FAM135A: variants seen among roughly 807,000 people sequenced by gnomAD.
FAM135A encodes the protein family with sequence similarity 135 member A, also known as protein FAM135A.
FAM135A carries 79 observed loss-of-function variants against 146.8 expected under a neutral mutation model. The observed-to-expected ratio is 0.54, with a 90% CI of 0.45 to 0.65. The LOEUF (loss-of-function observed/expected upper bound fraction) is 0.65. FAM135A is among the 30% of genes least tolerant of loss of function. FAM135A has a pLI of 0.00. For synonymous variants in FAM135A, 562 were observed against 603.6 expected, an observed-to-expected ratio of 0.93 and a Z score of 1.01; for missense variants, 1,623 against 1,758.2, an observed-to-expected ratio of 0.92 and a Z score of 1.38.
Position 70,525,763 on chromosome 6 carries a change from A to G in FAM135A, c.2679A>G (p.Gln893=). ...DDTKKSSITL[Q]QQSVVFSGNL... The stretch of plus-strand genomic sequence containing the variant: ...CTAAAAAGTCAAGTATCACTTTGCA[A>G]CAGCAGAGTGTTGTATTTTCAGGGA... Residue 893 remains glutamine, a synonymous_variant, in exon 15 of 22, where the codon CAA becomes CAG. Transcript: ENST00000418814. 6.2e-7 allele frequency: 1 copy of G among 1,613,420 alleles called. No individual in the cohort carries two copies. Among genetic ancestry groups the G allele is most frequent in the Non-Finnish European group, 8.5e-7 (1 of 1,179,618 alleles).
chr6:70,511,294 A>G (rs1318324518), intron 12 of FAM135A, among the ~76,000 whole-genome samples: 2 of 151,948 alleles, frequency 1.3e-5, no homozygotes, highest in Non-Finnish European at 2.9e-5. Context: ...GAAAAATCTT[A>G]AATTTATTTT....
intron 12 of FAM135A, among the ~76,000 whole-genome samples, chr6:70,515,519 A>AC (rs1441510589): frequency 1.1e-4 from 16 of 152,284 alleles, no homozygotes; most frequent in African/African-American, 3.4e-4. Context: ...ATCTACATAT[A>AC]TGTATGATTT....
At chr6:70,530,966 A>G (rs1481306267) in intron 16 of FAM135A, among the ~76,000 whole-genome samples, 1 of 152,206 alleles carries the variant, frequency 6.6e-6, no homozygotes, top group Non-Finnish European at 1.5e-5. Context: ...AGAAAAATGG[A>G]TCCCCTTTAC....
Position 70,526,116 on chromosome 6 carries a change from A to G in FAM135A, c.3032A>G (p.Glu1011Gly). 1 of 1,613,602 alleles carries G rather than the reference A, an allele frequency of 6.2e-7. No homozygotes were observed. Among genetic ancestry groups the G allele is most frequent in the Non-Finnish European group, 8.5e-7 (1 of 1,179,674 alleles). Reference sequence around the variant, plus strand: ...TTAAATCTCACACAGATGTATTCAGAAATCCCTACAGTTGAAAGTGAAACT... The same window carrying G: ...TTAAATCTCACACAGATGTATTCAGGAATCCCTACAGTTGAAAGTGAAACT... ...DVLNLTQMYS[E>G]IPTVESETHL... is the part of the protein sequence containing the mutation. Residue 1011 changes from glutamate (E) to glycine (G), a missense_variant, in exon 15 of 22, where the codon GAA becomes GGA. Glu to Gly is a moderately conservative substitution (Grantham distance 98). Coordinates refer to ENST00000418814, the MANE Select transcript of FAM135A (RefSeq NM_001162529.3).
intron 8 of FAM135A, 143 bp from the exon 9 acceptor site, chr6:70,480,758 A>T (rs959527518): frequency 1.1e-5 from 7 of 620,204 alleles, no homozygotes; most frequent in Non-Finnish European, 1.4e-5. Flanking sequence ...ATTATTTTTT[A>T]AAATTACTTT....
chr6:70,550,696 A>G (rs905646634), intron 20 of FAM135A, among the ~76,000 whole-genome samples: 1 of 152,168 alleles, frequency 6.6e-6, no homozygotes, highest in Non-Finnish European at 1.5e-5. Flanking sequence ...ATTGATTTCA[A>G]GGCCCCAGCT....
intron 16 of FAM135A, among the ~76,000 whole-genome samples, chr6:70,531,734 C>T (rs1253916581): frequency 6.6e-6 from 1 of 152,094 alleles, no homozygotes; most frequent in Non-Finnish European, 1.5e-5. Flanking sequence ...TTGTAAACTG[C>T]TGATTTCTTT....
chr6:70,478,073 C>A (rs1782966172), intron 8 of FAM135A, among the ~76,000 whole-genome samples: 1 of 151,982 alleles, frequency 6.6e-6, no homozygotes, highest in Admixed American at 6.6e-5. Flanking sequence ...CTAATTTTAT[C>A]TTCTTAACTG....
chr6:70,556,017 G>A (rs1343382676), intron 20 of FAM135A, among the ~76,000 whole-genome samples: 1 of 152,062 alleles, frequency 6.6e-6, no homozygotes, highest in Non-Finnish European at 1.5e-5. Flanking sequence ...ATTTTGAGAG[G>A]TGGGCAGATC....
chr6:70,424,384 A>G (rs1769555187), intron 2 of FAM135A, among the ~76,000 whole-genome samples: 1 of 152,248 alleles, frequency 6.6e-6, no homozygotes, highest in Non-Finnish European at 1.5e-5. Context: ...TCTCTGTGCC[A>G]GTAACTACAC....
At chr6:70,504,384 C>T (rs529217499) in intron 12 of FAM135A, 1 of 152,112 alleles carries the variant, frequency 6.6e-6, no homozygotes, top group African/African-American at 2.4e-5. Flanking sequence ...AATAGATCCT[C>T]TCTCATTTCA....
intron 4 of FAM135A, among the ~76,000 whole-genome samples, chr6:70,435,107 A>AT (rs1772737745): frequency 3.0e-5 from 2 of 66,754 alleles, no homozygotes; most frequent in African/African-American, 5.2e-5. Flanking sequence ...ATATATATAT[A>AT]TATTTTTTTT....
At chr6:70,480,138 A>T (rs1783430988) in intron 8 of FAM135A, among the ~76,000 whole-genome samples, 1 of 152,194 alleles carries the variant, frequency 6.6e-6, no homozygotes, top group South Asian at 2.1e-4. Context: ...ATGATTTTTC[A>T]ACAGTTTAAC....
At chr6:70,431,612 T>A (rs1256285798) in intron 4 of FAM135A, among the ~76,000 whole-genome samples, 1 of 152,192 alleles carries the variant, frequency 6.6e-6, no homozygotes, top group African/African-American at 2.4e-5. Flanking sequence ...ACACTCCACT[T>A]CTTAATGGGA....
intron 4 of FAM135A, among the ~76,000 whole-genome samples, chr6:70,436,472 T>A (rs990734482): frequency 6.6e-6 from 1 of 152,224 alleles, no homozygotes; most frequent in Non-Finnish European, 1.5e-5. Flanking sequence ...CTGTGACCTT[T>A]ACTCATTTTT....
At chr6:70,531,363 G>A (rs1795772125) in intron 16 of FAM135A, among the ~76,000 whole-genome samples, 1 of 152,144 alleles carries the variant, frequency 6.6e-6, no homozygotes, top group African/African-American at 2.4e-5. Flanking sequence ...GATGATACTG[G>A]TAAAGCCATG....
intron 4 of FAM135A, among the ~76,000 whole-genome samples, chr6:70,433,721 C>T (rs1277029567): frequency 6.6e-6 from 1 of 152,006 alleles, no homozygotes; most frequent in East Asian, 1.9e-4. Flanking sequence ...CAACTCTTAG[C>T]TTTAATTGAA....
Position 70,450,716 on chromosome 6 carries a change from G to GTTTTTTTTTTTT in FAM135A, c.78-1745_78-1734dup, listed in dbSNP as rs546674936. Among the ~76,000 whole-genome samples, 36 of 28,346 alleles carry GTTTTTTTTTTTT rather than the reference G, an allele frequency of 1.3e-3. 11 individuals are homozygous for GTTTTTTTTTTTT. Among genetic ancestry groups the GTTTTTTTTTTTT allele is most frequent in the South Asian group, 2.2e-3 (1 of 454 alleles). The allele number at this position is 28,346 out of a possible 152,430, so 18.6% of individuals were successfully genotyped here. On this transcript the variant is annotated intron_variant, in intron 4 of 21. Coordinates refer to ENST00000418814, the MANE Select transcript of FAM135A (RefSeq NM_001162529.3). Reference sequence around the variant, plus strand: ...CTCAGGGAGTGTGACCCTTTTAGTTGTTTTTTTTTTTTTTTTTTTTTTTTT... The same window carrying GTTTTTTTTTTTT: ...CTCAGGGAGTGTGACCCTTTTAGTTGTTTTTTTTTTTTTTTTTTTTTTTTTTTTTTTTTTTTT...
At chr6:70,549,241 A>G (rs988778242) in intron 20 of FAM135A, among the ~76,000 whole-genome samples, 17 of 152,188 alleles carry the variant, frequency 1.1e-4, no homozygotes, top group Admixed American at 3.3e-4. Context: ...GAATCGACAT[A>G]AATGTCCTTT....
Sources: gnomAD v4.1 joint callset for allele counts (sites outside exome capture counted in the v4.1 genomes callset) on GRCh38, gnomAD v4.1.1 for gene constraint, MANE v1.5 for transcripts, NCBI Gene and HGNC (gene_info 2026-07-23, HGNC 2026-07-21) for gene names.